Variants in SHB observed in about 807,000 individuals in gnomAD.
The protein encoded by SHB is SH2 domain-containing adapter protein B.
A neutral mutation model predicts 52.3 loss-of-function variants in SHB; 20 were observed. The observed-to-expected ratio is 0.38, with a 90% CI of 0.27 to 0.56. SHB has a LOEUF of 0.56. Among genes scored for constraint, SHB ranks in the 20% least tolerant of loss-of-function variants. SHB has a pLI of 0.71. For synonymous variants in SHB, 397 were observed against 316.5 expected, an observed-to-expected ratio of 1.25 and a Z score of -2.70; for missense variants, 825 against 723.3, an observed-to-expected ratio of 1.14 and a Z score of -1.61.
At chr9:38,040,413 G>A (rs892471915) in intron 1 of SHB, among the ~76,000 whole-genome samples, 2 of 152,216 alleles carry the variant, frequency 1.3e-5, no homozygotes, top group Non-Finnish European at 2.9e-5. Context: ...GGCTTGGGAA[G>A]GGAGGCCTCC....
At chr9:38,018,263 T>A (rs7045977) in intron 1 of SHB, among the ~76,000 whole-genome samples, 1,788 of 152,294 alleles carry the variant, frequency 0.012, 34 homozygotes, top group African/African-American at 0.041. Context: ...GTTTGCAGGA[T>A]ATAAACCAAA....
At chr9:38,065,267 T>C (rs1821946705) in intron 1 of SHB, among the ~76,000 whole-genome samples, 1 of 151,718 alleles carries the variant, frequency 6.6e-6, no homozygotes, top group Non-Finnish European at 1.5e-5. Flanking sequence ...GGGGTGGAGG[T>C]GGAGGGGTGC....
At chr9:37,955,476 G>A (rs1049887996) in intron 4 of SHB, among the ~76,000 whole-genome samples, 1 of 151,976 alleles carries the variant, frequency 6.6e-6, no homozygotes, top group Non-Finnish European at 1.5e-5. Context: ...CTCAGTCTGG[G>A]TATTTATTTA....
At chr9:37,924,515 G>A (rs548880801) in intron 5 of SHB, among the ~76,000 whole-genome samples, 1 of 152,166 alleles carries the variant, frequency 6.6e-6, no homozygotes. Flanking sequence ...TGGGACTAAT[G>A]TGTGGGACCC....
intron 5 of SHB, among the ~76,000 whole-genome samples, chr9:37,921,167 C>T (rs1173035868): frequency 6.6e-6 from 1 of 152,146 alleles, no homozygotes; most frequent in Admixed American, 6.6e-5. Flanking sequence ...AAGCACAGTC[C>T]ACTTTATCGG....
intron 2 of SHB, 129 bp from the exon 3 acceptor site, chr9:37,974,966 T>G: frequency 1.2e-6 from 1 of 801,424 alleles, no homozygotes; most frequent in Non-Finnish European, 2.1e-6. Context: ...GACAGACCCC[T>G]GTCTGGGTTT....
intron 2 of SHB, among the ~76,000 whole-genome samples, chr9:37,999,379 C>T (rs1820986304): frequency 6.6e-6 from 1 of 152,148 alleles, no homozygotes; most frequent in Non-Finnish European, 1.5e-5. Context: ...CTCGGGGTGA[C>T]CAGGAGCTCA....
At chr9:38,005,954 C>G (rs986456676) in intron 2 of SHB, among the ~76,000 whole-genome samples, 36 of 152,206 alleles carry the variant, frequency 2.4e-4, no homozygotes, top group African/African-American at 8.2e-4. Flanking sequence ...AGCACCTTCC[C>G]TAACACATGA....
chr9:38,028,305 G>A (rs1821370068), intron 1 of SHB, among the ~76,000 whole-genome samples: 1 of 152,218 alleles, frequency 6.6e-6, no homozygotes, highest in African/African-American at 2.4e-5. Context: ...TGCCAATAAT[G>A]GACGGGCTCA....
intron 5 of SHB, among the ~76,000 whole-genome samples, chr9:37,930,301 G>A (rs1832298071): frequency 6.6e-6 from 1 of 152,154 alleles, no homozygotes; most frequent in Non-Finnish European, 1.5e-5. Context: ...GCAGAGGTTT[G>A]CTCTCTTTCC....
At chr9:37,974,858 A>T (rs1330131724) in intron 2 of SHB, 21 bp from the exon 3 acceptor site, 1 of 1,598,110 alleles carries the variant, frequency 6.3e-7, no homozygotes, top group Middle Eastern at 1.7e-4. Flanking sequence ...AAAGGAAGGA[A>T]GCAGAGATGA....
chr9:37,973,292 C>T lies in SHB; in HGVS notation c.1054+1330G>A, dbSNP rs557762020. On this transcript the variant is annotated intron_variant, in intron 3 of 5. Coordinates refer to ENST00000377707, the MANE Select transcript of SHB (RefSeq NM_003028.3). ...AGGCTGGAGTGCAATGGTGCGATCT[C>T]GGCTCACCGCAACCTCCACCTCCCA... is the stretch of plus-strand genomic sequence containing the variant. Among the ~76,000 whole-genome samples the T allele has an allele frequency of 6.6e-4, 100 of 152,276 alleles. 1 individual carries two copies. In the South Asian group the frequency reaches 0.02, roughly 30 times the overall value.
At position 38,067,961 on chromosome 9, in the gene SHB, C is replaced by A; in HGVS notation, c.685G>T (p.Ala229Ser). ...KLLNKCAASA[A>S]EESGAGKKDK... Reference sequence around the variant, plus strand: ...TTCTTGCCGGCCCCGCTCTCCTCCGCGGCTGAGGCGGCGCACTTGTTGAGC... The same window carrying A: ...TTCTTGCCGGCCCCGCTCTCCTCCGAGGCTGAGGCGGCGCACTTGTTGAGC... The change falls in exon 1 of 6, where the codon GCG becomes TCG. Residue 229 changes from alanine (A) to serine (S), a missense_variant. Ala to Ser is a moderately conservative substitution (Grantham distance 99). Transcript: ENST00000377707. The A allele has an allele frequency of 6.4e-7, 1 of 1,550,730 alleles. No homozygotes were observed. The highest frequency in any genetic ancestry group is 1.8e-5 in the Admixed American group (1 of 54,094).
At chr9:38,042,413 A>G (rs1821596508) in intron 1 of SHB, among the ~76,000 whole-genome samples, 1 of 152,188 alleles carries the variant, frequency 6.6e-6, no homozygotes, top group Non-Finnish European at 1.5e-5. Context: ...CAGAGTGGGG[A>G]GGCCCCAGTC....
chr9:37,947,496 G>A (rs115403007), intron 5 of SHB, among the ~76,000 whole-genome samples: 1 of 152,298 alleles, frequency 6.6e-6, no homozygotes, highest in African/African-American at 2.4e-5. Context: ...CCCACCCCGT[G>A]TCCACATGCT....
At chr9:38,016,206 G>C in intron 1 of SHB, 75 bp from the exon 2 acceptor site, 1 of 1,534,584 alleles carries the variant, frequency 6.5e-7, no homozygotes, top group South Asian at 1.2e-5. Flanking sequence ...GCTAGGCTTT[G>C]GGCCTCAGCT....
chr9:37,923,078 G>A (rs1832202289), intron 5 of SHB, among the ~76,000 whole-genome samples: 2 of 152,222 alleles, frequency 1.3e-5, no homozygotes, highest in Admixed American at 6.5e-5. Flanking sequence ...AAGCACCGAG[G>A]TGCAGAAAGG....
intron 1 of SHB, among the ~76,000 whole-genome samples, chr9:38,032,305 C>T (rs780382061): frequency 3.1e-4 from 47 of 152,224 alleles, no homozygotes; most frequent in Non-Finnish European, 1.8e-4. Context: ...CCTGCCAAGG[C>T]CTCAGAGCAC....
intron 2 of SHB, chr9:38,015,263 C>T (rs1229953719): frequency 1.7e-6 from 1 of 595,956 alleles, no homozygotes; most frequent in East Asian, 2.8e-5. Context: ...CTTGTGACCT[C>T]CCCCTAATCC....
Sources: allele counts gnomAD v4.1 joint callset (sites outside exome capture counted in the v4.1 genomes callset), GRCh38; gene constraint gnomAD v4.1.1; transcripts MANE v1.5; gene names NCBI Gene and HGNC (gene_info 2026-07-23, HGNC 2026-07-21).